PAWR: variants seen among roughly 807,000 people sequenced by gnomAD.
The protein encoded by PAWR is pro-apoptotic WT1 regulator.
PAWR carries 23 observed loss-of-function variants against 32.0 expected under a neutral mutation model. That is an observed-to-expected ratio of 0.72 (90% CI 0.52 to 1.02). PAWR has a LOEUF of 1.02. Ranked by LOEUF, PAWR falls within the 50% of genes least tolerant of loss-of-function variation. PAWR has a pLI of 0.00. For synonymous variants in PAWR, 226 were observed against 187.1 expected (o/e 1.21, Z -1.70); for missense variants, 457 against 437.7 (o/e 1.04, Z -0.39).
chr12:79,645,960 C>CATCTCCTGAGCCTCA (rs1330467976), intron 2 of PAWR, among the ~76,000 whole-genome samples: 10 of 152,176 alleles, frequency 6.6e-5, no homozygotes, highest in Admixed American at 6.5e-4. Context: ...CATGTCCCTC[C>CATCTCCTGAGCCTCA]ATCTCCTGAG....
At chr12:79,640,301 C>G (rs1190490308) in intron 2 of PAWR, among the ~76,000 whole-genome samples, 3 of 152,148 alleles carry the variant, frequency 2.0e-5, no homozygotes, top group Non-Finnish European at 4.4e-5. Context: ...CTCCACTTCT[C>G]TCCCATCCCT....
intron 2 of PAWR, among the ~76,000 whole-genome samples, chr12:79,670,935 A>C (rs1877863204): frequency 6.6e-6 from 1 of 150,948 alleles, no homozygotes; most frequent in Non-Finnish European, 1.5e-5. Flanking sequence ...CTACATGTCA[A>C]GCACTGAGCT....
chr12:79,614,386 A>G lies in PAWR; in HGVS notation c.649-777T>C, dbSNP rs552334153. Among the ~76,000 whole-genome samples the G allele has an allele frequency of 1.3e-3, 202 of 152,134 alleles. 1 individual carries two copies. Among genetic ancestry groups the G allele is most frequent in the African/African-American group, 4.6e-3 (189 of 41,526 alleles). On this transcript the variant is annotated intron_variant, in intron 3 of 6. Transcript: ENST00000328827. ...AAAACTTACAACTTACCGTGTGCATATAGTAATTAGTTCCTATTTTTAAAG... is the reference window on the plus strand; with the variant it reads ...AAAACTTACAACTTACCGTGTGCATGTAGTAATTAGTTCCTATTTTTAAAG...
chr12:79,690,126 G>T lies in PAWR; in HGVS notation c.119C>A (p.Ala40Asp), dbSNP rs1165816694. The part of the protein sequence containing the change: ...MRAKQNPPGP[A>D]PPGGGSSDAA... Reference sequence around the variant, plus strand: ...GTCGCTGCTGCCCCCTCCCGGGGGGGCCGGGCCCGGGGGGTTCTGCTTGGC... The same window carrying T: ...GTCGCTGCTGCCCCCTCCCGGGGGGTCCGGGCCCGGGGGGTTCTGCTTGGC... Residue 40 changes from alanine to aspartate, a missense_variant, in exon 2 of 7, where the codon GCC (alanine) becomes GAC (aspartate). Transcript: ENST00000328827. 1 of 1,504,742 alleles carries T rather than the reference G, an allele frequency of 6.6e-7. No homozygotes were observed. Among genetic ancestry groups the T allele is most frequent in the Admixed American group, 2.1e-5 (1 of 47,682 alleles). 93.2% of individuals were successfully genotyped at this position (1,504,742 alleles called of 1,614,324 possible). A position where few individuals can be genotyped will look rare whatever the true frequency, so the allele number is the denominator to read the frequency against.
intron 2 of PAWR, among the ~76,000 whole-genome samples, chr12:79,661,323 A>C (rs1347199383): frequency 1.3e-5 from 2 of 152,096 alleles, no homozygotes; most frequent in Non-Finnish European, 2.9e-5. Flanking sequence ...CTGTCCTTAG[A>C]AACTTAAATT....
intron 2 of PAWR, among the ~76,000 whole-genome samples, chr12:79,624,349 C>G (rs1875175459): frequency 6.6e-6 from 1 of 152,088 alleles, no homozygotes. Flanking sequence ...AAACAAAACA[C>G]TCGGTAAATG....
chr12:79,628,354 AG>A (rs1350288143), intron 2 of PAWR, among the ~76,000 whole-genome samples: 1 of 152,220 alleles, frequency 6.6e-6, no homozygotes, highest in Non-Finnish European at 1.5e-5. Context: ...CACAAGAGAA[AG>A]CAGGAAAGAT....
intron 2 of PAWR, among the ~76,000 whole-genome samples, chr12:79,629,432 GAC>G (rs945669763): frequency 4.6e-5 from 7 of 151,978 alleles, no homozygotes; most frequent in Non-Finnish European, 1.0e-4. Flanking sequence ...TCATCCAGAA[GAC>G]ACAGTTTTTA....
intron 2 of PAWR, among the ~76,000 whole-genome samples, chr12:79,643,392 GC>G (rs1416785504): frequency 6.6e-6 from 1 of 151,992 alleles, no homozygotes; most frequent in Non-Finnish European, 1.5e-5. Flanking sequence ...TCTTATCAAG[GC>G]TTTTAAAAGT....
At chr12:79,620,201 CTAATATA>C (rs1449920169) in intron 3 of PAWR, among the ~76,000 whole-genome samples, 1 of 151,994 alleles carries the variant, frequency 6.6e-6, no homozygotes, top group Non-Finnish European at 1.5e-5. Flanking sequence ...TAAAATTTCT[CTAATATA>C]TAACTGATAA....
At chr12:79,651,049 T>C (rs1876819850) in intron 2 of PAWR, among the ~76,000 whole-genome samples, 1 of 152,154 alleles carries the variant, frequency 6.6e-6, no homozygotes, top group African/African-American at 2.4e-5. Flanking sequence ...GCCAGTACAA[T>C]AGGAAGAAAT....
intron 3 of PAWR, among the ~76,000 whole-genome samples, chr12:79,614,306 G>A (rs774518661): frequency 1.3e-4 from 20 of 149,830 alleles, no homozygotes; most frequent in Non-Finnish European, 2.7e-4. Flanking sequence ...CACTGCGCCC[G>A]GCCTTATAGT....
chr12:79,651,660 G>C (rs544455083), intron 2 of PAWR, among the ~76,000 whole-genome samples: 4 of 141,102 alleles, frequency 2.8e-5, no homozygotes, highest in South Asian at 2.5e-4. Context: ...AGGATTGCTC[G>C]AGCCTAGGAG....
At chr12:79,609,954 G>A (rs972325071) in intron 4 of PAWR, among the ~76,000 whole-genome samples, 1 of 152,180 alleles carries the variant, frequency 6.6e-6, no homozygotes, top group African/African-American at 2.4e-5. Flanking sequence ...ACTGCCATGG[G>A]GACAGTACAG....
In PAWR at chr12:79,587,167, T is replaced by A. The variant is rs1253241994; in HGVS notation, c.*5440A>T. On this transcript the variant is annotated 3_prime_UTR_variant, in exon 7 of 7. Coordinates refer to ENST00000328827, the MANE Select transcript of PAWR (RefSeq NM_002583.4). Reference sequence around the variant, plus strand: ...TAAGATTATGTGACCTTGGAAAAATTTACTGGCTTGCTAGTGGAATACGTC... The same window carrying A: ...TAAGATTATGTGACCTTGGAAAAATATACTGGCTTGCTAGTGGAATACGTC... 6.6e-6 allele frequency: 1 copy of A among 152,008 alleles called. No individual in the cohort carries two copies. The highest frequency in any genetic ancestry group is 1.5e-5 in the Non-Finnish European group (1 of 67,938). 9.4% of individuals were successfully genotyped at this position (152,008 alleles called of 1,614,324 possible).
In PAWR at chr12:79,642,595, G is replaced by A. The variant is rs148366800; in HGVS notation, c.517-21388C>T. On this transcript the variant is annotated intron_variant, in intron 2 of 6. Coordinates refer to ENST00000328827, the MANE Select transcript of PAWR (RefSeq NM_002583.4). ...CTTTTTTCTGTGTGTGTGCATCCTT[G>A]GTCTCTCTCTCCCCCTCCTAGTAAG... 3.2e-3 allele frequency among the ~76,000 whole-genome samples: 481 copies of A among 151,888 alleles called. 1 individual carries two copies. The highest frequency in any genetic ancestry group is 6.8e-3 in the Middle Eastern group (2 of 294).
chr12:79,653,538 G>A (rs891451270), intron 2 of PAWR, among the ~76,000 whole-genome samples: 15 of 152,278 alleles, frequency 9.9e-5, no homozygotes, highest in African/African-American at 3.4e-4. Context: ...GGAGTGCAAT[G>A]GCACGATCTC....
At chr12:79,625,158 T>G (rs1592509549) in intron 2 of PAWR, among the ~76,000 whole-genome samples, 1 of 152,318 alleles carries the variant, frequency 6.6e-6, no homozygotes, top group East Asian at 1.9e-4. Context: ...AAGAGTCATT[T>G]GCATTTCTTT....
intron 2 of PAWR, among the ~76,000 whole-genome samples, chr12:79,646,984 T>C (rs1423584819): frequency 6.6e-6 from 1 of 151,994 alleles, no homozygotes; most frequent in Non-Finnish European, 1.5e-5. Flanking sequence ...GAGACCATCC[T>C]GGCCAACATG....
Sources: allele counts gnomAD v4.1 joint callset (sites outside exome capture counted in the v4.1 genomes callset), GRCh38; gene constraint gnomAD v4.1.1; transcripts MANE v1.5; gene names NCBI Gene and HGNC (gene_info 2026-07-23, HGNC 2026-07-21).